Variants in PARD6G observed in about 807,000 individuals in gnomAD.
PARD6G encodes the protein par-6 family cell polarity regulator gamma, also known as partitioning defective 6 homolog gamma.
PARD6G carries 7 observed loss-of-function variants against 10.7 expected under a neutral mutation model. The ratio of observed to expected loss-of-function variants is 0.66; its 90% CI spans 0.37 to 1.23. The LOEUF is 1.23. Among genes scored for constraint, PARD6G ranks in the 50% most tolerant of loss-of-function variants. The probability of loss-of-function intolerance (pLI) is 0.02; values close to 1 mark genes in which losing one functional copy is unlikely to be tolerated. For synonymous variants in PARD6G, 287 were observed against 269.4 expected, an observed-to-expected ratio of 1.07 and a Z score of -0.64; for missense variants, 548 against 571.8, an observed-to-expected ratio of 0.96 and a Z score of 0.42.
At position 80,175,607 on chromosome 18, in the gene PARD6G, G is replaced by A. The variant is rs145972447; in HGVS notation, c.296-15001C>T. ...ACCTGGGGTGACGTATCGATTCAGT[G>A]CACTACGCACACTGTTCCGTAATTG... is the stretch of plus-strand genomic sequence containing the variant. On this transcript the variant is annotated intron_variant, in intron 2 of 2. Coordinates refer to ENST00000353265, the MANE Select transcript of PARD6G (RefSeq NM_032510.4). This position sits in a 1 kb window ranked among gnomAD's most constrained non-coding sequence, Gnocchi z 6.7. Among the ~76,000 whole-genome samples the A allele has an allele frequency of 2.0e-4, 30 of 152,342 alleles. No homozygotes were observed. The East Asian group carries it at 5.6e-3, about 28-fold the overall frequency.
chr18:80,242,510 C>T (rs755673270), intron 1 of PARD6G, among the ~76,000 whole-genome samples: 4 of 152,242 alleles, frequency 2.6e-5, no homozygotes, highest in Non-Finnish European at 4.4e-5. Context: ...AAACACTGCA[C>T]ACCTGGCTGT....
intron 1 of PARD6G, among the ~76,000 whole-genome samples, chr18:80,227,293 G>A (rs568975671): frequency 1.7e-4 from 26 of 152,164 alleles, no homozygotes; most frequent in Non-Finnish European, 2.4e-4. Context: ...TTATTAAACT[G>A]ACATTGGCTG....
intron 1 of PARD6G, among the ~76,000 whole-genome samples, chr18:80,232,176 G>GC (rs970227932): frequency 1.5e-4 from 22 of 143,210 alleles, no homozygotes; most frequent in Non-Finnish European, 2.9e-4. Flanking sequence ...TTCTGCCCCC[G>GC]CCCCCCAAGC....
At chr18:80,177,025 GCACA>G (rs111315126) in intron 2 of PARD6G, among the ~76,000 whole-genome samples, 106 of 137,242 alleles carry the variant, frequency 7.7e-4, no homozygotes, top group African/African-American at 1.8e-3. Flanking sequence ...GCGCGCGCGT[GCACA>G]CACACACACA....
At position 80,160,372 on chromosome 18, in the gene PARD6G, C is replaced by T; in HGVS notation, c.530G>A (p.Gly177Asp). ...GTGCGGGGTCACGCGCACGCTGGCG[C>T]CATCGCGGATGTAGAAGCCCAGCGG... ...EKPLGFYIRD[G>D]ASVRVTPHGL... Residue 177 changes from glycine (G) to aspartate (D), a missense_variant, in exon 3 of 3, where the codon GGC becomes GAC. Coordinates refer to ENST00000353265, the MANE Select transcript of PARD6G (RefSeq NM_032510.4). The T allele has an allele frequency of 6.2e-7, 1 of 1,610,236 alleles. No individual in the cohort carries two copies. Among genetic ancestry groups the T allele is most frequent in the Non-Finnish European group, 8.5e-7 (1 of 1,179,136 alleles).
rs1276542855 is a variant in PARD6G at position 80,228,302 on chromosome 18, G to A, written c.72+18975C>T. Reference sequence around the variant, plus strand: ...GCCATGGGGAGGTGAGGGGAGGTGAGCGGAGGGGAGGCCAGGGGAGGGGAG... The same window carrying A: ...GCCATGGGGAGGTGAGGGGAGGTGAACGGAGGGGAGGCCAGGGGAGGGGAG... On this transcript the variant is annotated intron_variant, in intron 1 of 2. Transcript: ENST00000353265. This position sits in a 1 kb window ranked among gnomAD's most constrained non-coding sequence, Gnocchi z 4.6. 2.0e-5 allele frequency among the ~76,000 whole-genome samples: 3 copies of A among 152,066 alleles called. No individual in the cohort carries two copies. Among genetic ancestry groups the A allele is most frequent in the Admixed American group, 1.3e-4 (2 of 15,272 alleles).
intron 1 of PARD6G, among the ~76,000 whole-genome samples, chr18:80,221,882 T>A (rs551835842): frequency 6.6e-6 from 1 of 152,260 alleles, no homozygotes; most frequent in East Asian, 1.9e-4. Context: ...AAAAATAAAC[T>A]GTATTTCTAA....
rs1289177821 is a variant in PARD6G at position 80,228,891 on chromosome 18, C to A, written c.72+18386G>T. Among the ~76,000 whole-genome samples, 3 of 152,206 alleles carry A rather than the reference C, an allele frequency of 2.0e-5. No individual in the cohort carries two copies. Among genetic ancestry groups the A allele is most frequent in the Non-Finnish European group, 4.4e-5 (3 of 68,040 alleles). On this transcript the variant is annotated intron_variant, in intron 1 of 2. Transcript: ENST00000353265. The surrounding 1 kb of genome is among the most constrained non-coding windows in gnomAD (Gnocchi z 4.6). ...ATGGAAACAGTAAGTGCATCAAACA[C>A]ATGAAAGCACATTTCCAGGTGGAGA...
intron 1 of PARD6G, among the ~76,000 whole-genome samples, chr18:80,214,371 C>T (rs939821450): frequency 5.3e-5 from 8 of 151,778 alleles, no homozygotes; most frequent in East Asian, 1.9e-4. Context: ...GAGGCTGAGG[C>T]GGGAGAATGG....
Position 80,160,206 on chromosome 18 carries a change from G to A in PARD6G, c.696C>T (p.Val232=), listed in dbSNP as rs376084715. The change falls in exon 3 of 3, where the codon GTC becomes GTT. Residue 232 remains valine (V), a synonymous_variant. Transcript: ENST00000353265. ...GGCTGTTGGCGATCATCATGTCCGT[G>A]ACCTGGTCCAGCGTCTTCCCGGCCA... ...IEVAGKTLDQ[V]TDMMIANSHN... 51 of 1,613,112 alleles carry A rather than the reference G, an allele frequency of 3.2e-5. No homozygotes were observed. Among genetic ancestry groups the A allele is most frequent in the Non-Finnish European group, 4.3e-5 (51 of 1,179,860 alleles).
chr18:80,216,725 C>T (rs1465272203), intron 1 of PARD6G, among the ~76,000 whole-genome samples: 1 of 151,902 alleles, frequency 6.6e-6, no homozygotes, highest in East Asian at 1.9e-4. Context: ...GAAATGCAAA[C>T]TTAATCTAAA....
chr18:80,163,533 C>T (rs940790999), intron 2 of PARD6G, among the ~76,000 whole-genome samples: 14 of 152,230 alleles, frequency 9.2e-5, no homozygotes, highest in African/African-American at 3.4e-4. Flanking sequence ...GGGAGCCCCA[C>T]CCCTGTTCCG....
At chr18:80,169,719 C>T (rs1444608060) in intron 2 of PARD6G, 2 of 152,218 alleles carry the variant, frequency 1.3e-5, no homozygotes, top group South Asian at 2.1e-4. Flanking sequence ...ATCAATGACT[C>T]GGTTTTAGGT....
At chr18:80,241,852 TA>T (rs1037219276) in intron 1 of PARD6G, among the ~76,000 whole-genome samples, 2 of 152,206 alleles carry the variant, frequency 1.3e-5, no homozygotes, top group African/African-American at 2.4e-5. Context: ...TTGCTGCCTC[TA>T]AAGGTCATGG....
rs564387269 is a variant in PARD6G at position 80,192,507 on chromosome 18, G to A, written c.295+10203C>T. Among the ~76,000 whole-genome samples, 1,216 of 146,670 alleles carry A rather than the reference G, an allele frequency of 8.3e-3. 15 individuals carry two copies. Among genetic ancestry groups the A allele is most frequent in the African/African-American group, 0.03 (1,169 of 38,722 alleles). ...GTGCCACGGCGGGAGCCCAGGGGAC[G>A]GGGGAGAGCAGGTGCCACGGCGGGA... On this transcript the variant is annotated intron_variant, in intron 2 of 2. Coordinates refer to ENST00000353265, the MANE Select transcript of PARD6G (RefSeq NM_032510.4). The surrounding 1 kb of genome is among the most constrained non-coding windows in gnomAD (Gnocchi z 4.9).
At chr18:80,216,804 G>A (rs1002509691) in intron 1 of PARD6G, among the ~76,000 whole-genome samples, 31 of 152,068 alleles carry the variant, frequency 2.0e-4, no homozygotes, top group African/African-American at 7.0e-4. Context: ...AACAGAGAAA[G>A]TGACAAAATC....
intron 1 of PARD6G, among the ~76,000 whole-genome samples, chr18:80,226,875 A>G (rs1243070311): frequency 6.6e-6 from 1 of 152,220 alleles, no homozygotes; most frequent in African/African-American, 2.4e-5. Flanking sequence ...GAGTGGCAGG[A>G]AACTGCTGCG....
intron 1 of PARD6G, among the ~76,000 whole-genome samples, chr18:80,232,491 T>C (rs1967369388): frequency 6.6e-6 from 1 of 151,968 alleles, no homozygotes; most frequent in Non-Finnish European, 1.5e-5. Flanking sequence ...ACTTCTTACA[T>C]GGTGGCAGCA....
chr18:80,208,365 A>G (rs1441251585), intron 1 of PARD6G, among the ~76,000 whole-genome samples: 2 of 152,198 alleles, frequency 1.3e-5, no homozygotes, highest in Non-Finnish European at 2.9e-5. Context: ...GAGTTCAGGG[A>G]TCACTATGAA....
Sources: gnomAD v4.1 joint callset for allele counts (sites outside exome capture counted in the v4.1 genomes callset) on GRCh38, gnomAD v4.1.1 for gene constraint, Gnocchi (gnomAD v3.1) non-coding constraint, MANE v1.5 for transcripts, NCBI Gene and HGNC (gene_info 2026-07-23, HGNC 2026-07-21) for gene names.